The following NIBAN2 variants were observed in gnomAD, a reference collection of about 807,000 sequenced individuals.
NIBAN2 encodes protein Niban 2.
NIBAN2 carries 36 observed loss-of-function variants against 81.8 expected under a neutral mutation model. The ratio of observed to expected loss-of-function variants is 0.44; its 90% confidence interval spans 0.34 to 0.58. The LOEUF is 0.58. NIBAN2 is among the 20% of genes least tolerant of loss of function. NIBAN2 has a pLI of 0.02. For missense variants in NIBAN2, 897 were observed against 1,014.1 expected (o/e 0.88, Z 1.57); for synonymous variants, 445 against 441.6 (o/e 1.01, Z -0.10).
intron 8 of NIBAN2, among the ~76,000 whole-genome samples, chr9:127,511,457 C>G (rs958430381): frequency 2.0e-5 from 3 of 152,076 alleles, no homozygotes; most frequent in African/African-American, 7.2e-5. Context: ...CCTTGGCCTC[C>G]CAAGTGCTGG....
chr9:127,520,744 T>TGTG (rs992959765), intron 5 of NIBAN2, among the ~76,000 whole-genome samples: 2 of 151,686 alleles, frequency 1.3e-5, no homozygotes, highest in African/African-American at 4.8e-5. Flanking sequence ...ATTAGCCAGG[T>TGTG]GTGGTGGCAC....
chr9:127,531,787 GA>G lies in NIBAN2; in HGVS notation c.56-10del. ...GATCTTCCCGGTTTTTTCTGGAAGA[GA>G]AGGACAAGCAGGAGCTTGAGGTCCT... On this transcript the variant is annotated splice_polypyrimidine_tract_variant and intron_variant, in intron 1 of 13. Coordinates refer to ENST00000373312, the MANE Select transcript of NIBAN2 (RefSeq NM_022833.4). 6.2e-7 allele frequency: 1 copy of G among 1,614,116 alleles called. No individual in the cohort carries two copies. Among genetic ancestry groups the G allele is most frequent in the Non-Finnish European group, 8.5e-7 (1 of 1,179,982 alleles).
chr9:127,510,398 C>CA, intron 8 of NIBAN2, 65 bp from the exon 9 acceptor site: 1 of 1,297,458 alleles, frequency 7.7e-7, no homozygotes, highest in Non-Finnish European at 1.1e-6. Context: ...CATCCCAGAG[C>CA]CCAGGTGCTG....
At chr9:127,571,721 C>A (rs1837948180), upstream of NIBAN2, among the ~76,000 whole-genome samples, 1 of 150,676 alleles carries the variant, frequency 6.6e-6, no homozygotes, top group African/African-American at 2.4e-5. Context: ...AAGAAAAAAA[C>A]AGAAAGTGGA....
intron 1 of NIBAN2, among the ~76,000 whole-genome samples, chr9:127,535,769 G>A (rs1031536899): frequency 2.0e-5 from 3 of 152,026 alleles, no homozygotes; most frequent in African/African-American, 7.2e-5. Flanking sequence ...TCTGCTGGAG[G>A]GGTCTGGTCT....
chr9:127,563,162 G>C lies in NIBAN2; in HGVS notation c.55+5658C>G, dbSNP rs745942248. Among the ~76,000 whole-genome samples the C allele has an allele frequency of 1.3e-5, 2 of 152,206 alleles. No homozygotes were observed. Among genetic ancestry groups the C allele is most frequent in the Non-Finnish European group, 2.9e-5 (2 of 68,038 alleles). Reference sequence around the variant, plus strand: ...AGGACTAGAGGCTCCGAGGAGGCTGGAGCAGCTCTGAGTAGGCGAGGCCGG... The same window carrying C: ...AGGACTAGAGGCTCCGAGGAGGCTGCAGCAGCTCTGAGTAGGCGAGGCCGG... On this transcript the variant is annotated intron_variant, in intron 1 of 13. Transcript: ENST00000373312. This position sits in a 1 kb window ranked among gnomAD's most constrained non-coding sequence, Gnocchi z 4.1.
At chr9:127,529,908 A>G (rs930461265) in intron 2 of NIBAN2, among the ~76,000 whole-genome samples, 1 of 151,836 alleles carries the variant, frequency 6.6e-6, no homozygotes, top group Admixed American at 6.6e-5. Flanking sequence ...ATCTCATTTC[A>G]CTCTCCTTGC....
At chr9:127,531,530 C>T in intron 2 of NIBAN2, 118 bp downstream of exon 2, 1 of 926,442 alleles carries the variant, frequency 1.1e-6, no homozygotes, top group East Asian at 2.5e-5. Flanking sequence ...CTGGGGAGAC[C>T]CTTAGAGGCC....
chr9:127,512,518 C>T (rs1836756343), intron 8 of NIBAN2, among the ~76,000 whole-genome samples: 1 of 152,150 alleles, frequency 6.6e-6, no homozygotes, highest in Non-Finnish European at 1.5e-5. Context: ...AACTCCTGAC[C>T]TCAAGTGATC....
chr9:127,546,293 C>G (rs994694967), intron 1 of NIBAN2, among the ~76,000 whole-genome samples: 2 of 152,212 alleles, frequency 1.3e-5, no homozygotes, highest in African/African-American at 4.8e-5. Context: ...TGCCCAGGCC[C>G]CAGAGGAGCA....
rs3739814 is a variant in NIBAN2 at position 127,507,465 on chromosome 9, C to T, written c.1655-34G>A. Reference sequence around the variant, plus strand: ...CCACAGGGGAAGGGTCAGGACACAGCACTGATCCCACAGCCGCCCCTGTGC... The same window carrying T: ...CCACAGGGGAAGGGTCAGGACACAGTACTGATCCCACAGCCGCCCCTGTGC... On this transcript the variant is annotated intron_variant, in intron 13 of 13. Transcript: ENST00000373312. The surrounding 1 kb of genome is among the most constrained non-coding windows in gnomAD (Gnocchi z 6.8). 2.1e-3 allele frequency: 3,095 copies of T among 1,450,912 alleles called. 58 individuals are homozygous for T. The East Asian group carries it at 0.043, about 20-fold the overall frequency. 89.9% of individuals were successfully genotyped at this position (1,450,912 alleles called of 1,614,324 possible).
Position 127,507,406 on chromosome 9 carries a change from C to A in NIBAN2, c.1680G>T (p.Arg560Ser). ...TGCTGTCCCGGTAGAGGTTGTGCTT[C>A]CTCTGCACCGCGGCCTCCTTCACAG... ...LQAVKEAAVQRKHNLYRDSMV... is the reference protein window; with the variant it reads ...LQAVKEAAVQSKHNLYRDSMV... Residue 560 changes from arginine to serine, a missense_variant, in exon 14 of 14, where the codon AGG (arginine) becomes AGT (serine). This residue lies in a region of NIBAN2 where 619 missense variants were observed against 691.0 expected (regional missense o/e 0.90). Transcript: ENST00000373312. This position sits in a 1 kb window ranked among gnomAD's most constrained non-coding sequence, Gnocchi z 6.8. 6.6e-7 allele frequency: 1 copy of A among 1,515,826 alleles called. No homozygotes were observed. Among genetic ancestry groups the A allele is most frequent in the Non-Finnish European group, 8.8e-7 (1 of 1,132,310 alleles). 93.9% of individuals were successfully genotyped at this position (1,515,826 alleles called of 1,614,324 possible).
intron 1 of NIBAN2, among the ~76,000 whole-genome samples, chr9:127,538,568 T>C (rs1837320807): frequency 6.7e-6 from 1 of 149,398 alleles, no homozygotes; most frequent in African/African-American, 2.5e-5. Flanking sequence ...CAGAGGTTGC[T>C]GTGAGCCAAG....
intron 2 of NIBAN2, among the ~76,000 whole-genome samples, chr9:127,527,990 G>A (rs866396551): frequency 2.6e-5 from 4 of 152,296 alleles, no homozygotes; most frequent in African/African-American, 7.2e-5. Flanking sequence ...CTGCAGAAAC[G>A]CCCGGACCTT....
At chr9:127,516,835 G>A (rs766952900) in intron 8 of NIBAN2, 22 bp downstream of exon 8, 10 of 1,600,574 alleles carry the variant, frequency 6.2e-6, no homozygotes, top group South Asian at 2.2e-5. Context: ...AGGGCCCGTC[G>A]AGCACGGGGG....
intron 1 of NIBAN2, among the ~76,000 whole-genome samples, chr9:127,565,035 GT>G (rs1837835437): frequency 6.6e-6 from 1 of 152,118 alleles, no homozygotes; most frequent in Non-Finnish European, 1.5e-5. Context: ...CTCCTAAATT[GT>G]TTGTACATGT....
chr9:127,534,967 C>T (rs2247374), intron 1 of NIBAN2, among the ~76,000 whole-genome samples: 114,607 of 152,064 alleles, frequency 0.75, 43,939 homozygotes, highest in Middle Eastern at 0.85. Flanking sequence ...GCAGGTTTTA[C>T]GTATGTGAAC....
At position 127,506,893 on chromosome 9, in the gene NIBAN2, G is replaced by A. The variant is rs1198765208; in HGVS notation, c.2193C>T (p.Ala731=). The A allele has an allele frequency of 1.9e-6, 3 of 1,612,572 alleles. No individual in the cohort carries two copies. Among genetic ancestry groups the A allele is most frequent in the African/African-American group, 2.7e-5 (2 of 75,004 alleles). Residue 731 remains alanine, a synonymous_variant, in exon 14 of 14, where the codon GCC becomes GCT. Transcript: ENST00000373312. Reference sequence around the variant, plus strand: ...CACTGTCCTCGGTGGTGGTGTGGAGGGCGGGGTGGCTGCTGGGGCTGGACA... The same window carrying A: ...CACTGTCCTCGGTGGTGGTGTGGAGAGCGGGGTGGCTGCTGGGGCTGGACA... The part of the protein sequence containing the change: ...EQVSSPSSHP[A]LHTTTEDSAG...
intron 8 of NIBAN2, 136 bp downstream of exon 8, chr9:127,516,721 A>G (rs2132163996): frequency 1.1e-6 from 1 of 900,300 alleles, no homozygotes; most frequent in East Asian, 2.4e-5. Flanking sequence ...GGAGTACCAC[A>G]GTGCAGATTT....
Sources: allele counts gnomAD v4.1 joint callset (sites outside exome capture counted in the v4.1 genomes callset), GRCh38; gene constraint gnomAD v4.1.1; regional missense constraint gnomAD v4.1.1; non-coding constraint Gnocchi (gnomAD v3.1); transcripts MANE v1.5; gene names NCBI Gene and HGNC (gene_info 2026-07-23, HGNC 2026-07-21).